LRTM3: variants seen among roughly 807,000 people sequenced by gnomAD.
LRTM3 encodes leucine-rich repeat transmembrane protein 3.
At chr13:102,747,984 G>T in the LRTM3 span, 1 of 1,550,978 alleles carries the variant, frequency 6.4e-7, no homozygotes, top group Non-Finnish European at 8.7e-7. Context: ...TCACATTGTT[G>T]TGGCTTTTTA....
the LRTM3 span, chr13:102,735,202 C>A: frequency 7.1e-6 from 11 of 1,551,304 alleles, no homozygotes; most frequent in East Asian, 2.4e-5. Flanking sequence ...CAGGCGATTT[C>A]TTTGCCTTCA....
At chr13:102,745,562 G>A in the LRTM3 span, 1 of 1,550,876 alleles carries the variant, frequency 6.4e-7, no homozygotes. Context: ...TGGCTTCTTT[G>A]CCTTTATAAT....
the LRTM3 span, chr13:102,749,331 A>C: frequency 2.6e-6 from 4 of 1,551,378 alleles, no homozygotes; most frequent in Non-Finnish European, 3.5e-6. Context: ...TCCTGGTTCA[A>C]TTCTGATGAA....
chr13:102,746,806 T>C, the LRTM3 span: 2 of 1,551,286 alleles, frequency 1.3e-6, no homozygotes, highest in Admixed American at 2.0e-5. Flanking sequence ...TTTCTCTTGT[T>C]TGGTTTAAAG....
the LRTM3 span, chr13:102,741,144 A>C: frequency 6.5e-7 from 1 of 1,549,210 alleles, no homozygotes; most frequent in African/African-American, 1.4e-5. Flanking sequence ...TTATTCTGAT[A>C]ATAATTACTT....
the LRTM3 span, chr13:102,737,422 T>G: frequency 6.4e-7 from 1 of 1,550,808 alleles, no homozygotes; most frequent in Non-Finnish European, 8.7e-7. Context: ...CTGTTTCCTG[T>G]TTACTCTTGT....
the LRTM3 span, chr13:102,744,129 A>G: frequency 2.6e-6 from 4 of 1,550,482 alleles, no homozygotes; most frequent in Non-Finnish European, 3.5e-6. Context: ...TTCATCTTGT[A>G]CTTAAAACGG....
the LRTM3 span, chr13:102,737,858 T>C: frequency 1.3e-6 from 2 of 1,550,714 alleles, no homozygotes; most frequent in Non-Finnish European, 8.7e-7. Flanking sequence ...GTCCAATATA[T>C]AATGGGTTAG....
At chr13:102,737,649 C>T in the LRTM3 span, 1 of 1,550,398 alleles carries the variant, frequency 6.4e-7, no homozygotes, top group Non-Finnish European at 8.7e-7. Context: ...TGCATTAAGT[C>T]TTTCTCAGCT....
At chr13:102,733,073 G>C in the LRTM3 span, 1 of 1,551,332 alleles carries the variant, frequency 6.4e-7, no homozygotes, top group East Asian at 2.4e-5. Context: ...GAGGTGCGCT[G>C]TTGTTTTCTT....
At chr13:102,738,561 C>G in the LRTM3 span, 1 of 1,550,470 alleles carries the variant, frequency 6.4e-7, no homozygotes, top group Non-Finnish European at 8.7e-7. Flanking sequence ...CTAATTTTTT[C>G]CATTTTTTGC....
chr13:102,747,308 T>A, the LRTM3 span: 1 of 1,548,864 alleles, frequency 6.5e-7, no homozygotes, highest in African/African-American at 1.4e-5. Flanking sequence ...TGCAATTTTA[T>A]CTTGCAGTAT....
chr13:102,753,662 A>G, the LRTM3 span, among the ~76,000 whole-genome samples: 1 of 152,142 alleles, frequency 6.6e-6, no homozygotes, highest in East Asian at 1.9e-4. Flanking sequence ...CTAATTTGTG[A>G]TACGTTGTTA....
the LRTM3 span, among the ~76,000 whole-genome samples, chr13:102,751,247 C>G: frequency 2.6e-5 from 4 of 152,090 alleles, no homozygotes; most frequent in Non-Finnish European, 5.9e-5. Context: ...TGTCAGCAGA[C>G]AGCCTTTTGA....
At chr13:102,731,142 G>A in the LRTM3 span, 4 of 1,551,336 alleles carry the variant, frequency 2.6e-6, 1 homozygote, top group South Asian at 3.6e-5. Context: ...CCATTTTCTA[G>A]CTTATTAATA....
the LRTM3 span, chr13:102,737,947 G>A: frequency 6.4e-7 from 1 of 1,550,758 alleles, no homozygotes. Flanking sequence ...CTTGCTCTAT[G>A]CCTACTCCAT....
chr13:102,746,731 T>C, the LRTM3 span: 1 of 1,551,106 alleles, frequency 6.4e-7, no homozygotes, highest in South Asian at 1.2e-5. Context: ...TTGGTATTTC[T>C]GTCTTTTCTT....
chr13:102,752,490 A>T, the LRTM3 span, among the ~76,000 whole-genome samples: 1 of 152,140 alleles, frequency 6.6e-6, no homozygotes, highest in Non-Finnish European at 1.5e-5. Flanking sequence ...TTTTCAAAAC[A>T]CCATCATTCT....
chr13:102,750,112 C>A, the LRTM3 span: 2 of 1,551,064 alleles, frequency 1.3e-6, no homozygotes, highest in Non-Finnish European at 1.7e-6. Flanking sequence ...AAAATAATTT[C>A]TTGGAGGAAA....
Sources: allele counts gnomAD v4.1 joint callset (sites outside exome capture counted in the v4.1 genomes callset), GRCh38; gene constraint gnomAD v4.1.1; transcripts MANE v1.5; gene names NCBI Gene and HGNC (gene_info 2026-07-23, HGNC 2026-07-21).